The following EHMT1 variants were observed in gnomAD, a reference collection of about 807,000 sequenced individuals.
EHMT1 encodes the protein euchromatic histone lysine methyltransferase 1, also known as histone-lysine N-methyltransferase EHMT1.
A neutral mutation model predicts 147.2 loss-of-function variants in EHMT1; 15 were observed. The observed-to-expected ratio is 0.10, with a 90% CI of 0.07 to 0.16. EHMT1 has a LOEUF of 0.16. Among genes scored for constraint, EHMT1 ranks in the 10% least tolerant of loss-of-function variants. EHMT1 has a pLI of 1.00. For missense variants in EHMT1, 1,587 were observed against 1,772.4 expected (o/e 0.90, Z 1.88); for synonymous variants, 795 against 709.6 (o/e 1.12, Z -1.91).
intron 1 of EHMT1, among the ~76,000 whole-genome samples, chr9:137,667,845 A>G (rs1273808564): frequency 6.6e-6 from 1 of 152,172 alleles, no homozygotes; most frequent in African/African-American, 2.4e-5. Context: ...GAAATCTTAT[A>G]GGAATTTGTC....
rs188628816 is a variant in EHMT1, at chr9:137,727,892, T to C, written c.643-457T>C. Among the ~76,000 whole-genome samples the C allele has an allele frequency of 9.9e-4, 151 of 152,372 alleles. 1 individual carries two copies. Among genetic ancestry groups the C allele is most frequent in the African/African-American group, 3.5e-3 (147 of 41,592 alleles). On this transcript the variant is annotated intron_variant, in intron 3 of 26. Transcript: ENST00000460843. The stretch of plus-strand genomic sequence containing the variant: ...AATGCCATTTGGGGATGTTGCAAAC[T>C]GTAGCCATGGTAAACTGGGAAAGCA...
chr9:137,724,969 CATTCG>C (rs1323484195), intron 3 of EHMT1, among the ~76,000 whole-genome samples: 6 of 149,200 alleles, frequency 4.0e-5, no homozygotes, highest in African/African-American at 1.2e-4. Flanking sequence ...ATTCATGGGG[CATTCG>C]TGTGGCAGAC....
chr9:137,732,665 G>C lies in EHMT1; in HGVS notation c.823+4136G>C, dbSNP rs932753261. On this transcript the variant is annotated intron_variant, in intron 4 of 26. Coordinates refer to ENST00000460843, the MANE Select transcript of EHMT1 (RefSeq NM_024757.5). The surrounding 1 kb of genome is among the most constrained non-coding windows in gnomAD (Gnocchi z 4.6). ...CTCACTCCAGGTTGTGGATTCTGCCGGGAACTGGCAGCCCGGTTTTCAGGC... is the reference window on the plus strand; with the variant it reads ...CTCACTCCAGGTTGTGGATTCTGCCCGGAACTGGCAGCCCGGTTTTCAGGC... 6.6e-6 allele frequency among the ~76,000 whole-genome samples: 1 copy of C among 152,212 alleles called. No individual in the cohort carries two copies. Among genetic ancestry groups the C allele is most frequent in the Non-Finnish European group, 1.5e-5 (1 of 68,038 alleles).
In EHMT1 at chr9:137,799,790, C is replaced by T. The variant is rs528924262; in HGVS notation, c.2607+876C>T. On this transcript the variant is annotated intron_variant, in intron 17 of 26. Transcript: ENST00000460843. ...CCCCATGGGCTGGAAGCAGCAGCGT[C>T]TGTGATATGCTCAAAGGCCCATACT... 7.5e-4 allele frequency among the ~76,000 whole-genome samples: 115 copies of T among 152,380 alleles called. 1 individual carries two copies. Among genetic ancestry groups the T allele is most frequent in the African/African-American group, 2.3e-3 (95 of 41,590 alleles).
In EHMT1 at chr9:137,804,961, GTCCATGTGTGTCAGTCATC is replaced by G. The variant is rs550171802; in HGVS notation, c.2712+3979_2712+3997del. Among the ~76,000 whole-genome samples, 601 of 152,092 alleles carry G rather than the reference GTCCATGTGTGTCAGTCATC, an allele frequency of 4.0e-3. 1 individual carries two copies. Among genetic ancestry groups the G allele is most frequent in the Middle Eastern group, 0.017 (5 of 294 alleles). On this transcript the variant is annotated intron_variant, in intron 18 of 26. Transcript: ENST00000460843. ...CTGTCAGTCATCCATGTATGAGTCC[GTCCATGTGTGTCAGTCATC>G]TGCATGTGTGTCCACATGTGTCAGT... is the stretch of plus-strand genomic sequence containing the variant.
chr9:137,659,125 G>A (rs1938796338), intron 1 of EHMT1, among the ~76,000 whole-genome samples: 2 of 151,482 alleles, frequency 1.3e-5, no homozygotes, highest in South Asian at 4.2e-4. Flanking sequence ...TGTTTGTTGT[G>A]CCATCAAATA....
intron 1 of EHMT1, among the ~76,000 whole-genome samples, chr9:137,640,321 C>T (rs1844396212): frequency 6.6e-6 from 1 of 152,094 alleles, no homozygotes; most frequent in African/African-American, 2.4e-5. Context: ...TGCTGTTACC[C>T]TGGCTGGAGT....
chr9:137,718,272 C>T lies in EHMT1; in HGVS notation c.642+1090C>T, dbSNP rs565876040. Among the ~76,000 whole-genome samples, 36 of 152,382 alleles carry T rather than the reference C, an allele frequency of 2.4e-4. No homozygotes were observed. The South Asian group carries it at 5.4e-3, about 23-fold the overall frequency. ...GTGCTGGACTGATCACCAGATCTTACGTGGTGCATACACGATACAGGTTTT... is the reference window on the plus strand; with the variant it reads ...GTGCTGGACTGATCACCAGATCTTATGTGGTGCATACACGATACAGGTTTT... On this transcript the variant is annotated intron_variant, in intron 3 of 26. Transcript: ENST00000460843.
In EHMT1 at chr9:137,788,085, G is replaced by A. The variant is rs111291042; in HGVS notation, c.2383-2763G>A. 8.9e-6 allele frequency: 12 copies of A among 1,347,488 alleles called. No individual in the cohort carries two copies. The African/African-American group carries it at 1.2e-4, about 13-fold the overall frequency. 83.5% of individuals were successfully genotyped at this position (1,347,488 alleles called of 1,614,324 possible). On this transcript the variant is annotated intron_variant, in intron 15 of 26. Transcript: ENST00000460843. ...CAAAGTCTCCCCCTCCACTCTCGTG[G>A]GGCCAGGAAGGGGGCAGAGGGGCCA...
chr9:137,741,459 G>A (rs1948075024), intron 4 of EHMT1, among the ~76,000 whole-genome samples: 1 of 152,148 alleles, frequency 6.6e-6, no homozygotes, highest in Non-Finnish European at 1.5e-5. Context: ...TCATGCTGTT[G>A]TCACATTGAA....
Position 137,776,840 on chromosome 9 carries a change from G to T in EHMT1, c.2014G>T (p.Gly672Cys). The change falls in exon 12 of 27, where the codon GGC becomes TGC. Residue 672 changes from glycine to cysteine, a missense_variant. Physicochemically the swap from Gly to Cys is radical, Grantham distance 159 (BLOSUM62 -3). Around this residue, in one of 7 missense-constraint regions of EHMT1, gnomAD observed 77 missense variants for 79.3 expected, o/e 0.97. Coordinates refer to ENST00000460843, the MANE Select transcript of EHMT1 (RefSeq NM_024757.5). This position sits in a 1 kb window ranked among gnomAD's most constrained non-coding sequence, Gnocchi z 4.4. ...ALEGRADTTT[G>C]SAAGPPLSED... is the part of the protein sequence containing the mutation. ...GGAGGGCAGGGCCGACACCACAACG[G>T]GCAGGTACCTGGCACAGGCTCTGGC... The T allele has an allele frequency of 6.2e-7, 1 of 1,613,732 alleles. No individual in the cohort carries two copies. Among genetic ancestry groups the T allele is most frequent in the Non-Finnish European group, 8.5e-7 (1 of 1,179,952 alleles).
intron 1 of EHMT1, among the ~76,000 whole-genome samples, chr9:137,622,951 C>G (rs1456036163): frequency 6.6e-6 from 1 of 151,154 alleles, no homozygotes; most frequent in African/African-American, 2.4e-5. Context: ...TGTCTCACAC[C>G]TGTAATCCCA....
intron 22 of EHMT1, chr9:137,815,441 C>G (rs1304276692): frequency 4.5e-6 from 1 of 223,602 alleles, no homozygotes; most frequent in Non-Finnish European, 9.0e-6. Flanking sequence ...GGCCCCGCGC[C>G]TCAGCTCACA....
chr9:137,803,558 CAT>C (rs1394067678), intron 18 of EHMT1, among the ~76,000 whole-genome samples: 1 of 152,194 alleles, frequency 6.6e-6, no homozygotes, highest in Non-Finnish European at 1.5e-5. Flanking sequence ...TATCAGTGGA[CAT>C]TAGGTTGTTT....
At chr9:137,710,630 A>T (rs1009779543) in intron 1 of EHMT1, among the ~76,000 whole-genome samples, 3 of 152,210 alleles carry the variant, frequency 2.0e-5, no homozygotes, top group African/African-American at 7.2e-5. Flanking sequence ...AATTATTGTC[A>T]GCAGTAGAAT....
intron 2 of EHMT1, among the ~76,000 whole-genome samples, chr9:137,714,996 C>T (rs1213054078): frequency 6.6e-6 from 1 of 152,082 alleles, no homozygotes; most frequent in African/African-American, 2.4e-5. Context: ...TTCCCTACTT[C>T]TGTGAATGAT....
intron 16 of EHMT1, among the ~76,000 whole-genome samples, chr9:137,791,293 C>T (rs1042735614): frequency 1.3e-5 from 2 of 152,094 alleles, no homozygotes; most frequent in African/African-American, 2.4e-5. Flanking sequence ...AAATCAAAGG[C>T]GTTCACATTG....
intron 1 of EHMT1, among the ~76,000 whole-genome samples, chr9:137,704,882 C>T (rs1164926112): frequency 1.4e-5 from 2 of 145,088 alleles, no homozygotes; most frequent in Admixed American, 1.4e-4. Context: ...CTTTCCCTCC[C>T]TCCCTCCTTT....
At chr9:137,621,694 G>A (rs759477818) in intron 1 of EHMT1, among the ~76,000 whole-genome samples, 4 of 152,250 alleles carry the variant, frequency 2.6e-5, no homozygotes, top group Non-Finnish European at 4.4e-5. Flanking sequence ...AGTAAATGGG[G>A]CATCTTAGGG....
Sources: gnomAD v4.1 joint callset for allele counts (sites outside exome capture counted in the v4.1 genomes callset) on GRCh38, gnomAD v4.1.1 for gene constraint, gnomAD v4.1.1 regional missense constraint, Gnocchi (gnomAD v3.1) non-coding constraint, MANE v1.5 for transcripts, NCBI Gene and HGNC (gene_info 2026-07-23, HGNC 2026-07-21) for gene names.